The following NADK2 variants were observed in gnomAD, a reference collection of about 807,000 sequenced individuals.
NADK2 encodes NAD kinase domain-containing protein 1, mitochondrial.
A neutral mutation model predicts 62.1 loss-of-function variants in NADK2; 35 were observed. That is an observed-to-expected ratio of 0.56 (90% CI 0.43 to 0.75). The LOEUF is 0.75. Among genes scored for constraint, NADK2 ranks in the 30% least tolerant of loss-of-function variants. The pLI, the probability that NADK2 is intolerant of heterozygous loss-of-function variation, is 0.00. For missense variants in NADK2, 439 were observed against 561.3 expected (o/e 0.78, Z 2.20); for synonymous variants, 205 against 207.9 (o/e 0.99, Z 0.12).
chr5:36,215,000 A>G (rs1746989506), intron 6 of NADK2, among the ~76,000 whole-genome samples: 1 of 152,208 alleles, frequency 6.6e-6, no homozygotes, highest in African/African-American at 2.4e-5. Flanking sequence ...ATTAAAGTAT[A>G]GGGAAGGATG....
chr5:36,234,140 C>T (rs929835550), intron 1 of NADK2, among the ~76,000 whole-genome samples: 1 of 151,710 alleles, frequency 6.6e-6, no homozygotes, highest in South Asian at 2.1e-4. Context: ...TTTGGGAGGC[C>T]GAGACGGGCG....
At chr5:36,223,389 T>C (rs73751620) in intron 4 of NADK2, among the ~76,000 whole-genome samples, 9,390 of 152,140 alleles carry the variant, frequency 0.062, 1,023 homozygotes, top group African/African-American at 0.22. Context: ...GGGACTCCAA[T>C]AATACCACAG....
rs573572509 is a variant in NADK2 at position 36,213,395 on chromosome 5, A to T, written c.782-1473T>A. On this transcript the variant is annotated intron_variant, in intron 6 of 11. Coordinates refer to ENST00000381937, the MANE Select transcript of NADK2 (RefSeq NM_001085411.3). ...TCTTCTCCTTTGACTTTGTAGCCTA[A>T]TTATTATATTCTTCTGTTTATTATG... is the stretch of plus-strand genomic sequence containing the variant. Among the ~76,000 whole-genome samples, 3 of 152,112 alleles carry T rather than the reference A, an allele frequency of 2.0e-5. No homozygotes were observed. The East Asian group carries it at 5.8e-4, about 29-fold the overall frequency.
chr5:36,241,729 G>T lies in NADK2; in HGVS notation c.70C>A (p.Arg24=), dbSNP rs1360184151. The T allele has an allele frequency of 8.0e-7, 1 of 1,247,658 alleles. No individual in the cohort carries two copies. Among genetic ancestry groups the T allele is most frequent in the Non-Finnish European group, 1.0e-6 (1 of 991,046 alleles). The allele number at this position is 1,247,658 out of a possible 1,614,324, so 77.3% of individuals were successfully genotyped here. ...RVAGGRAAAL[R]GPGAGGPAAR... ...GCGGGGCCTCCCGCACCCGGTCCCC[G>T]CAGCGCCGCCGCCCGGCCGCCCGCC... The change falls in exon 1 of 12, where the codon CGG becomes AGG. Residue 24 remains arginine, a synonymous_variant. Coordinates refer to ENST00000381937, the MANE Select transcript of NADK2 (RefSeq NM_001085411.3). The surrounding 1 kb of genome is among the most constrained non-coding windows in gnomAD (Gnocchi z 4.9).
intron 10 of NADK2, among the ~76,000 whole-genome samples, chr5:36,198,462 A>G (rs1374864081): frequency 6.6e-6 from 1 of 151,716 alleles, no homozygotes; most frequent in African/African-American, 2.4e-5. Context: ...AAATGTCTGT[A>G]ACAGTGATTG....
chr5:36,203,956 G>A (rs1159433109), intron 8 of NADK2, among the ~76,000 whole-genome samples: 2 of 152,080 alleles, frequency 1.3e-5, no homozygotes, highest in African/African-American at 4.8e-5. Flanking sequence ...CCCTTGTGAA[G>A]CAGCACAAGT....
At chr5:36,211,015 T>C (rs1221134971) in intron 7 of NADK2, among the ~76,000 whole-genome samples, 1 of 151,912 alleles carries the variant, frequency 6.6e-6, no homozygotes, top group Non-Finnish European at 1.5e-5. Context: ...AAATAAAACA[T>C]TAATAAAGCA....
At chr5:36,218,053 G>T in intron 5 of NADK2, 169 bp from the exon 6 acceptor site, 1 of 555,336 alleles carries the variant, frequency 1.8e-6, no homozygotes, top group Admixed American at 3.1e-5. Flanking sequence ...ATCAATGACA[G>T]ATTTGAATAT....
chr5:36,211,553 T>C (rs1420717199), intron 7 of NADK2, among the ~76,000 whole-genome samples: 3 of 27,042 alleles, frequency 1.1e-4, no homozygotes, highest in Admixed American at 2.4e-4. Context: ...AGACTCAGTC[T>C]CAAAAAAAAA....
intron 11 of NADK2, 138 bp downstream of exon 11, chr5:36,197,403 C>T: frequency 9.0e-7 from 1 of 1,105,162 alleles, no homozygotes; most frequent in Non-Finnish European, 1.3e-6. Flanking sequence ...TACCTTGTTA[C>T]TTTCACAGGT....
chr5:36,216,935 T>C (rs1476252595), intron 6 of NADK2, among the ~76,000 whole-genome samples: 3 of 152,212 alleles, frequency 2.0e-5, no homozygotes, highest in Admixed American at 6.5e-5. Context: ...AATTCTTTTT[T>C]TGGAGGAGAA....
At chr5:36,229,333 C>T (rs1747619422) in intron 1 of NADK2, among the ~76,000 whole-genome samples, 1 of 152,116 alleles carries the variant, frequency 6.6e-6, no homozygotes, top group Admixed American at 6.5e-5. Flanking sequence ...AATGCCTAGC[C>T]AAAAGCCTCA....
chr5:36,241,089 G>C lies in NADK2; in HGVS notation c.300+410C>G, dbSNP rs951110024. Among the ~76,000 whole-genome samples the C allele has an allele frequency of 6.6e-6, 1 of 152,072 alleles. No homozygotes were observed. The highest frequency in any genetic ancestry group is 1.5e-5 in the Non-Finnish European group (1 of 68,006). On this transcript the variant is annotated intron_variant, in intron 1 of 11. Transcript: ENST00000381937. This position sits in a 1 kb window ranked among gnomAD's most constrained non-coding sequence, Gnocchi z 4.9. ...CTCGCGGCGGCCAGGGGAGCTGTTC[G>C]CAGGGCGTCCAGACCTCAGGCCACT...
At chr5:36,220,330 T>C (rs1332060559) in intron 4 of NADK2, among the ~76,000 whole-genome samples, 3 of 152,162 alleles carry the variant, frequency 2.0e-5, no homozygotes, top group East Asian at 3.9e-4. Flanking sequence ...AAACAAACCA[T>C]TGCAAATTAT....
chr5:36,224,345 T>G (rs1052565319), intron 4 of NADK2, among the ~76,000 whole-genome samples: 3 of 151,952 alleles, frequency 2.0e-5, no homozygotes, highest in African/African-American at 7.2e-5. Flanking sequence ...TCACTTGAGA[T>G]CAGGAGTTTG....
At chr5:36,222,718 T>G (rs1229157506) in intron 4 of NADK2, among the ~76,000 whole-genome samples, 2 of 152,320 alleles carry the variant, frequency 1.3e-5, no homozygotes, top group Non-Finnish European at 2.9e-5. Flanking sequence ...AGAGAGACTG[T>G]AAGCTAGTTC....
intron 1 of NADK2, among the ~76,000 whole-genome samples, chr5:36,228,221 T>A (rs1401271777): frequency 6.6e-6 from 1 of 152,162 alleles, no homozygotes; most frequent in African/African-American, 2.4e-5. Flanking sequence ...TATAACTATC[T>A]TACCATTAAA....
intron 1 of NADK2, among the ~76,000 whole-genome samples, chr5:36,230,240 T>C (rs370892549): frequency 6.6e-6 from 1 of 152,308 alleles, no homozygotes; most frequent in African/African-American, 2.4e-5. Context: ...CCCAACACTC[T>C]AATCTCTTTG....
Position 36,205,800 on chromosome 5 carries a change from C to A in NADK2, c.956+1370G>T, listed in dbSNP as rs192805743. ...CAGCCATCCCATTACTGGGTATATA[C>A]CCAAAGGATTATAAATCATACTACT... On this transcript the variant is annotated intron_variant, in intron 8 of 11. Coordinates refer to ENST00000381937, the MANE Select transcript of NADK2 (RefSeq NM_001085411.3). The surrounding 1 kb of genome is among the most constrained non-coding windows in gnomAD (Gnocchi z 4.1). Among the ~76,000 whole-genome samples, 570 of 152,114 alleles carry A rather than the reference C, an allele frequency of 3.7e-3. 3 individuals carry two copies. Among genetic ancestry groups the A allele is most frequent in the African/African-American group, 0.013 (533 of 41,496 alleles).
Sources: allele counts gnomAD v4.1 joint callset (sites outside exome capture counted in the v4.1 genomes callset), GRCh38; gene constraint gnomAD v4.1.1; non-coding constraint Gnocchi (gnomAD v3.1); transcripts MANE v1.5; gene names NCBI Gene and HGNC (gene_info 2026-07-23, HGNC 2026-07-21).